PHYHIPL: variants seen among roughly 807,000 people sequenced by gnomAD.
PHYHIPL encodes the protein phytanoyl-CoA hydroxylase-interacting protein-like.
A neutral mutation model predicts 33.4 loss-of-function variants in PHYHIPL; 9 were observed. The observed-to-expected ratio is 0.27, with a 90% CI of 0.16 to 0.47. The LOEUF (loss-of-function observed/expected upper bound fraction) is 0.47, where lower values mean the gene tolerates loss of function less well. Ranked by LOEUF, PHYHIPL falls within the 20% of genes least tolerant of loss-of-function variation. The pLI, the probability that PHYHIPL is intolerant of heterozygous loss-of-function variation, is 0.99. For missense variants in PHYHIPL, 365 were observed against 460.7 expected (o/e 0.79, Z 1.90); for synonymous variants, 153 against 154.1 (o/e 0.99, Z 0.05).
At chr10:59,174,721 T>A (rs1838221689), upstream of PHYHIPL, among the ~76,000 whole-genome samples, 1 of 152,190 alleles carries the variant, frequency 6.6e-6, no homozygotes, top group Non-Finnish European at 1.5e-5. Flanking sequence ...TTTAATAATT[T>A]CTCATTCCCT....
chr10:59,193,881 C>T (rs1243492860), intron 1 of PHYHIPL, among the ~76,000 whole-genome samples: 1 of 152,006 alleles, frequency 6.6e-6, no homozygotes. Flanking sequence ...ACTAAAAAAG[C>T]AGTGGTTCTG....
intron 1 of PHYHIPL, among the ~76,000 whole-genome samples, chr10:59,211,713 T>C (rs947530034): frequency 7.9e-5 from 12 of 151,570 alleles, no homozygotes; most frequent in Non-Finnish European, 1.2e-4. Flanking sequence ...AGTTCCTTTT[T>C]TAAGTTCATT....
intron 1 of PHYHIPL, among the ~76,000 whole-genome samples, chr10:59,187,240 G>T (rs928293540): frequency 6.6e-6 from 1 of 152,116 alleles, no homozygotes; most frequent in African/African-American, 2.4e-5. Flanking sequence ...TTTTATCTTT[G>T]GTTCTGTTTA....
At chr10:59,191,048 T>C (rs1838770722) in intron 1 of PHYHIPL, among the ~76,000 whole-genome samples, 1 of 151,936 alleles carries the variant, frequency 6.6e-6, no homozygotes, top group Admixed American at 6.6e-5. Context: ...TCTATTTTCC[T>C]CAATATAGTT....
At chr10:59,174,575 A>C (rs1838219551), upstream of PHYHIPL, among the ~76,000 whole-genome samples, 1 of 152,248 alleles carries the variant, frequency 6.6e-6, no homozygotes. Flanking sequence ...AATCCTCAGC[A>C]GAAAGGTGCC....
Position 59,176,907 on chromosome 10 carries a change from G to A in PHYHIPL, c.54G>A (p.Glu18=). Residue 18 remains glutamate (E), a synonymous_variant, in exon 1 of 5, where the codon GAG becomes GAA. Transcript: ENST00000373880. The part of the protein sequence containing the change: ...HALNSPTSPC[E]EVIKNLSLEA... Reference sequence around the variant, plus strand: ...TCAACAGCCCCACCAGCCCCTGTGAGGAGGTGATCAAAAACCTCAGCCTGG... The same window carrying A: ...TCAACAGCCCCACCAGCCCCTGTGAAGAGGTGATCAAAAACCTCAGCCTGG... 1 of 1,613,808 alleles carries A rather than the reference G, an allele frequency of 6.2e-7. No homozygotes were observed. Among genetic ancestry groups the A allele is most frequent in the Non-Finnish European group, 8.5e-7 (1 of 1,179,852 alleles).
In PHYHIPL at chr10:59,226,955, A is replaced by G. The variant is rs565868342; in HGVS notation, c.107-7349A>G. Among the ~76,000 whole-genome samples the G allele has an allele frequency of 2.4e-4, 37 of 152,340 alleles. 1 individual carries two copies. The highest frequency in any genetic ancestry group is 8.2e-4 in the African/African-American group (34 of 41,582). On this transcript the variant is annotated intron_variant, in intron 1 of 4. Coordinates refer to ENST00000373880, the MANE Select transcript of PHYHIPL (RefSeq NM_032439.4). ...GCAATGTAAGTTAAATACTCCTAAT[A>G]AAAGGCAAAAATACTCAAATTTAGC...
At position 59,246,978 on chromosome 10, in the gene PHYHIPL, T is replaced by C; in HGVS notation, c.*1387T>C. The C allele has an allele frequency of 4.7e-6, 1 of 211,636 alleles. No homozygotes were observed. 13.1% of individuals were successfully genotyped at this position (211,636 alleles called of 1,614,324 possible). On this transcript the variant is annotated 3_prime_UTR_variant, in exon 5 of 5. Transcript: ENST00000373880. ...AAAGTACATGCTATCAGAATGAACT[T>C]TGGTAACCAGAAATGTAAAATTTCA... is the stretch of plus-strand genomic sequence containing the variant.
At chr10:59,227,641 A>G (rs569768815) in intron 1 of PHYHIPL, among the ~76,000 whole-genome samples, 31 of 152,318 alleles carry the variant, frequency 2.0e-4, no homozygotes, top group Non-Finnish European at 3.5e-4. Flanking sequence ...ACCTCACACT[A>G]TGGCATCAAG....
At chr10:59,243,311 A>T (rs1840479691) in intron 4 of PHYHIPL, among the ~76,000 whole-genome samples, 1 of 152,212 alleles carries the variant, frequency 6.6e-6, no homozygotes, top group African/African-American at 2.4e-5. Flanking sequence ...TCCTTCAATA[A>T]TAAAAGGGAA....
At chr10:59,203,369 A>G (rs1839183612) in intron 1 of PHYHIPL, among the ~76,000 whole-genome samples, 1 of 152,178 alleles carries the variant, frequency 6.6e-6, no homozygotes, top group Admixed American at 6.5e-5. Flanking sequence ...CGATTCCTCA[A>G]GGATCTAGAA....
chr10:59,197,547 A>G (rs951214518), intron 1 of PHYHIPL, among the ~76,000 whole-genome samples: 1 of 152,140 alleles, frequency 6.6e-6, no homozygotes, highest in Non-Finnish European at 1.5e-5. Flanking sequence ...AATTTCACTA[A>G]GTTCAAAGTG....
rs1589307839 is a variant in PHYHIPL, at chr10:59,245,415, G to T, written c.955G>T (p.Val319Leu). 1 of 1,614,084 alleles carries T rather than the reference G, an allele frequency of 6.2e-7. No individual in the cohort carries two copies. Among genetic ancestry groups the T allele is most frequent in the Non-Finnish European group, 8.5e-7 (1 of 1,180,024 alleles). ...KFLTCTEEDG[V>L]LVYHHAQDVI... ...TTTGACCTGTACAGAAGAAGATGGG[G>T]TGCTGGTTTACCACCATGCCCAGGA... The change falls in exon 5 of 5, where the codon GTG becomes TTG. Residue 319 changes from valine to leucine, a missense_variant. Transcript: ENST00000373880.
intron 1 of PHYHIPL, among the ~76,000 whole-genome samples, chr10:59,188,394 T>A (rs1201993082): frequency 2.6e-5 from 4 of 152,170 alleles, no homozygotes; most frequent in Admixed American, 2.0e-4. Context: ...AACTATGTGG[T>A]TAATTTTGGA....
intron 1 of PHYHIPL, among the ~76,000 whole-genome samples, chr10:59,190,742 T>C (rs142544780): frequency 6.3e-4 from 96 of 151,976 alleles, no homozygotes; most frequent in African/African-American, 2.1e-3. Flanking sequence ...TATCAGAGTT[T>C]TTAAAAATTA....
chr10:59,204,660 G>T (rs2440866), intron 1 of PHYHIPL, among the ~76,000 whole-genome samples: 37,801 of 151,820 alleles, frequency 0.25, 6,748 homozygotes, highest in African/African-American at 0.5. Context: ...AACATTGGCT[G>T]TAATCTGAGA....
rs546277958 is a variant in PHYHIPL, at chr10:59,222,216, G to A, written c.107-12088G>A. Among the ~76,000 whole-genome samples, 6 of 152,070 alleles carry A rather than the reference G, an allele frequency of 3.9e-5. No homozygotes were observed. The South Asian group carries it at 1.2e-3, about 32-fold the overall frequency. Reference sequence around the variant, plus strand: ...ATTAGAGATTTTAAGATCCAAAATCGGGGTGAAATGCCATTTGGATACTAT... The same window carrying A: ...ATTAGAGATTTTAAGATCCAAAATCAGGGTGAAATGCCATTTGGATACTAT... On this transcript the variant is annotated intron_variant, in intron 1 of 4. Transcript: ENST00000373880.
chr10:59,242,033 C>T (rs934655123), intron 4 of PHYHIPL, among the ~76,000 whole-genome samples: 19 of 152,184 alleles, frequency 1.2e-4, no homozygotes, highest in African/African-American at 4.6e-4. Flanking sequence ...AACCGTAGTC[C>T]CTCATGTACC....
intron 1 of PHYHIPL, among the ~76,000 whole-genome samples, chr10:59,207,425 G>A (rs556621039): frequency 2.0e-5 from 3 of 152,116 alleles, no homozygotes; most frequent in Non-Finnish European, 2.9e-5. Flanking sequence ...CACAGTCTTC[G>A]CAACCCGCAA....
Sources: gnomAD v4.1 joint callset for allele counts (sites outside exome capture counted in the v4.1 genomes callset) on GRCh38, gnomAD v4.1.1 for gene constraint, MANE v1.5 for transcripts, NCBI Gene and HGNC (gene_info 2026-07-23, HGNC 2026-07-21) for gene names.